The following DCDC2C variants were observed in gnomAD, a reference collection of about 807,000 sequenced individuals.
DCDC2C encodes doublecortin domain-containing protein 2C.
Under a neutral mutation model 45.0 loss-of-function variants are expected in DCDC2C, and 44 were observed. The ratio of observed to expected loss-of-function variants is 0.98; its 90% CI spans 0.77 to 1.26. The LOEUF (loss-of-function observed/expected upper bound fraction) is 1.26. Ranked by LOEUF, DCDC2C falls within the 50% of genes most tolerant of loss-of-function variation. The pLI is 0.00. For missense variants in DCDC2C, 447 were observed against 468.9 expected (o/e 0.95, Z 0.43); for synonymous variants, 187 against 178.8 (o/e 1.05, Z -0.37).
At position 3,838,921 on chromosome 2, in the gene DCDC2C, GATTTAT is replaced by G. The variant is rs1672145774; in HGVS notation, c.1066-8226_1066-8221del. On this transcript the variant is annotated intron_variant, in intron 10 of 10. Coordinates refer to ENST00000399143, the MANE Select transcript of DCDC2C (RefSeq NM_001287444.2). ...AACTTATATCAAATGGTGGGTTTAT[GATTTAT>G]ATTTATTTCTGTTTTTTGGTTTTGC... Among the ~76,000 whole-genome samples, 5 of 152,258 alleles carry G rather than the reference GATTTAT, an allele frequency of 3.3e-5. 1 individual carries two copies. In the South Asian group the frequency reaches 1.0e-3, roughly 32 times the overall value.
chr2:3,807,281 G>C (rs1016946425), intron 10 of DCDC2C, among the ~76,000 whole-genome samples: 1 of 152,126 alleles, frequency 6.6e-6, no homozygotes, highest in Non-Finnish European at 1.5e-5. Context: ...GCTTACACAG[G>C]CATCTGCTGC....
intron 3 of DCDC2C, among the ~76,000 whole-genome samples, chr2:3,740,109 T>C (rs1669158845): frequency 6.6e-6 from 1 of 152,250 alleles, no homozygotes; most frequent in Non-Finnish European, 1.5e-5. Context: ...GGTTTTTGTC[T>C]ACAACATTAA....
At chr2:3,777,586 TA>T (rs1670379682) in intron 8 of DCDC2C, among the ~76,000 whole-genome samples, 1 of 152,224 alleles carries the variant, frequency 6.6e-6, no homozygotes, top group African/African-American at 2.4e-5. Context: ...TTACAAAGCT[TA>T]TTTTTTTACG....
intron 2 of DCDC2C, among the ~76,000 whole-genome samples, chr2:3,716,971 T>A (rs1345659414): frequency 6.6e-6 from 1 of 152,224 alleles, no homozygotes; most frequent in African/African-American, 2.4e-5. Flanking sequence ...TTGTTGGTCA[T>A]AGCCCTGCTG....
intron 6 of DCDC2C, among the ~76,000 whole-genome samples, chr2:3,762,270 G>T (rs1279441428): frequency 6.6e-6 from 1 of 150,584 alleles, no homozygotes; most frequent in Non-Finnish European, 1.5e-5. Context: ...AAACTTGCAG[G>T]CTGGAAGGAG....
rs532053206 is a variant in DCDC2C at position 3,798,843 on chromosome 2, T to C, written c.1065+13743T>C. ...TCAACTTTGGTGAATCTGACAATTATGTGTCTTGGAGTTGCTCTTCTTGAG... is the reference window on the plus strand; with the variant it reads ...TCAACTTTGGTGAATCTGACAATTACGTGTCTTGGAGTTGCTCTTCTTGAG... On this transcript the variant is annotated intron_variant, in intron 10 of 10. Transcript: ENST00000399143. Among the ~76,000 whole-genome samples the C allele has an allele frequency of 1.6e-3, 250 of 152,306 alleles. 1 individual carries two copies. Among genetic ancestry groups the C allele is most frequent in the African/African-American group, 5.7e-3 (236 of 41,552 alleles).
intron 9 of DCDC2C, among the ~76,000 whole-genome samples, chr2:3,779,332 C>T (rs1433349538): frequency 2.6e-5 from 4 of 152,182 alleles, no homozygotes; most frequent in African/African-American, 4.8e-5. Context: ...CGTGCGGTGC[C>T]TGTGTGCAGA....
At chr2:3,779,074 T>C (rs1345785200) in intron 9 of DCDC2C, among the ~76,000 whole-genome samples, 190 bp downstream of exon 9, 1 of 152,078 alleles carries the variant, frequency 6.6e-6, no homozygotes, top group African/African-American at 2.4e-5. Flanking sequence ...TGCCAGTCAA[T>C]TACATGAGTC....
chr2:3,797,048 T>C (rs1572625331), intron 10 of DCDC2C, among the ~76,000 whole-genome samples: 1 of 152,080 alleles, frequency 6.6e-6, no homozygotes, highest in South Asian at 2.1e-4. Flanking sequence ...AATTTCAGCT[T>C]CTGTTATTGG....
At chr2:3,815,878 T>C (rs1195300248) in intron 10 of DCDC2C, among the ~76,000 whole-genome samples, 1 of 152,220 alleles carries the variant, frequency 6.6e-6, no homozygotes. Flanking sequence ...TCTGGATGTA[T>C]ACATGCAGGT....
intron 6 of DCDC2C, among the ~76,000 whole-genome samples, chr2:3,763,924 A>T (rs12997109): frequency 0.13 from 19,783 of 152,252 alleles, 1,471 homozygotes; most frequent in South Asian, 0.32. Context: ...TTCACCCACC[A>T]GAGCTGCTCA....
chr2:3,812,143 G>T (rs1392022288), intron 10 of DCDC2C, among the ~76,000 whole-genome samples: 2 of 151,870 alleles, frequency 1.3e-5, no homozygotes, highest in African/African-American at 4.8e-5. Flanking sequence ...AGTAGTTTCA[G>T]AAAGAATGGT....
intron 9 of DCDC2C, among the ~76,000 whole-genome samples, chr2:3,782,599 C>A (rs1386326399): frequency 6.7e-6 from 1 of 148,868 alleles, no homozygotes; most frequent in Non-Finnish European, 1.5e-5. Flanking sequence ...CTGCCTCAGC[C>A]TCCCGAGTAG....
chr2:3,813,714 C>T (rs1671477649), intron 10 of DCDC2C, among the ~76,000 whole-genome samples: 1 of 137,970 alleles, frequency 7.2e-6, no homozygotes, highest in Non-Finnish European at 1.5e-5. Flanking sequence ...TTATCAGAGA[C>T]TAGGATTGCA....
In DCDC2C at chr2:3,742,045, G is replaced by T. The variant is rs1211453184; in HGVS notation, c.542G>T (p.Arg181Leu). 6.5e-7 allele frequency: 1 copy of T among 1,536,810 alleles called. No homozygotes were observed. Among genetic ancestry groups the T allele is most frequent in the East Asian group, 2.5e-5 (1 of 40,674 alleles). ...AAAGTCTTCCCTCTAGGAGGCGTTC[G>T]GAAGTAAGGAGACTCTCGCCTTTAG... is the stretch of plus-strand genomic sequence containing the variant. ...GEKVFPLGGV[R>L]KLFTMNGHLL... The change falls in exon 4 of 11, where the codon CGG becomes CTG. Residue 181 changes from arginine (R) to leucine (L), a missense_variant. By Grantham distance (102) the Arg-to-Leu change is moderately radical. Coordinates refer to ENST00000399143, the MANE Select transcript of DCDC2C (RefSeq NM_001287444.2).
Position 3,734,098 on chromosome 2 carries a change from T to TGCCA in DCDC2C, c.416+7021_416+7022insCAGC, listed in dbSNP as rs1668953053. The stretch of plus-strand genomic sequence containing the variant: ...TCTGCTATTTGACTGGGCTACCGGC[T>TGCCA]GCTGTCGTAAATCCCCCATTTCCGT... On this transcript the variant is annotated intron_variant, in intron 3 of 10. Coordinates refer to ENST00000399143, the MANE Select transcript of DCDC2C (RefSeq NM_001287444.2). The surrounding 1 kb of genome is among the most constrained non-coding windows in gnomAD (Gnocchi z 4.2). 6.6e-6 allele frequency among the ~76,000 whole-genome samples: 1 copy of TGCCA among 152,230 alleles called. No individual in the cohort carries two copies. Among genetic ancestry groups the TGCCA allele is most frequent in the Non-Finnish European group, 1.5e-5 (1 of 68,024 alleles).
chr2:3,799,865 G>T (rs1671066042), intron 10 of DCDC2C, among the ~76,000 whole-genome samples: 1 of 152,262 alleles, frequency 6.6e-6, no homozygotes, highest in Non-Finnish European at 1.5e-5. Flanking sequence ...GCAGAGGCAG[G>T]CAGGCCTCCT....
At chr2:3,785,850 C>A (rs776420575) in intron 10 of DCDC2C, among the ~76,000 whole-genome samples, 1 of 152,114 alleles carries the variant, frequency 6.6e-6, no homozygotes, top group African/African-American at 2.4e-5. Flanking sequence ...CTGAAGCCAG[C>A]GTCTGCACAC....
Position 3,719,633 on chromosome 2 carries a change from G to A in DCDC2C, c.340-7370G>A, listed in dbSNP as rs995883823. On this transcript the variant is annotated intron_variant, in intron 2 of 10. Transcript: ENST00000399143. Reference sequence around the variant, plus strand: ...GAGCCCATCCCACAGGGGGTTCGACGGGGCTTTGCCTGATGTCTTGGAATG... The same window carrying A: ...GAGCCCATCCCACAGGGGGTTCGACAGGGCTTTGCCTGATGTCTTGGAATG... 7.9e-5 allele frequency among the ~76,000 whole-genome samples: 12 copies of A among 152,274 alleles called. No homozygotes were observed. In the East Asian group the frequency reaches 9.7e-4, roughly 12 times the overall value.
Sources: gnomAD v4.1 joint callset for allele counts (sites outside exome capture counted in the v4.1 genomes callset) on GRCh38, gnomAD v4.1.1 for gene constraint, Gnocchi (gnomAD v3.1) non-coding constraint, MANE v1.5 for transcripts, NCBI Gene and HGNC (gene_info 2026-07-23, HGNC 2026-07-21) for gene names.